Variants in DPF3 observed in about 807,000 individuals in gnomAD.
DPF3 encodes zinc finger protein DPF3.
A neutral mutation model predicts 56.8 loss-of-function variants in DPF3; 18 were observed. The ratio of observed to expected loss-of-function variants is 0.32; its 90% CI spans 0.22 to 0.47. The LOEUF (loss-of-function observed/expected upper bound fraction) is 0.47. Among genes scored for constraint, DPF3 ranks in the 20% least tolerant of loss-of-function variants. The pLI is 1.00. For missense variants in DPF3, 403 were observed against 488.8 expected (o/e 0.82, Z 1.65); for synonymous variants, 188 against 180.2 (o/e 1.04, Z -0.35).
chr14:72,688,598 A>G (rs545841058), intron 7 of DPF3, among the ~76,000 whole-genome samples: 47 of 152,284 alleles, frequency 3.1e-4, no homozygotes, highest in African/African-American at 1.1e-3. Flanking sequence ...CTCCCTACCA[A>G]GGCTGCATTT....
At chr14:72,840,881 T>C (rs1373604458) in intron 1 of DPF3, among the ~76,000 whole-genome samples, 1 of 152,222 alleles carries the variant, frequency 6.6e-6, no homozygotes, top group African/African-American at 2.4e-5. Flanking sequence ...GATGAACTCC[T>C]GATTCAGCCA....
At chr14:72,689,942 T>A (rs1041730150) in intron 7 of DPF3, among the ~76,000 whole-genome samples, 2 of 152,190 alleles carry the variant, frequency 1.3e-5, no homozygotes, top group Non-Finnish European at 1.5e-5. Flanking sequence ...TTTGTGAGGA[T>A]TCTGGAACCT....
chr14:72,768,921 G>A (rs1402859966), intron 2 of DPF3, among the ~76,000 whole-genome samples: 1 of 131,960 alleles, frequency 7.6e-6, no homozygotes, highest in Non-Finnish European at 1.6e-5. Flanking sequence ...TTCTGATACT[G>A]TGTGTGAGTG....
At chr14:72,647,183 C>A (rs1885752245) in intron 8 of DPF3, among the ~76,000 whole-genome samples, 1 of 152,154 alleles carries the variant, frequency 6.6e-6, no homozygotes, top group Non-Finnish European at 1.5e-5. Context: ...CTTTGTTAAG[C>A]TGGAAAACTT....
intron 1 of DPF3, among the ~76,000 whole-genome samples, chr14:72,774,384 T>C (rs1338631496): frequency 6.6e-6 from 1 of 152,038 alleles, no homozygotes; most frequent in Non-Finnish European, 1.5e-5. Context: ...CACCATACTG[T>C]TTTTCATGGC....
rs77501493 is a variant in DPF3 at position 72,741,155 on chromosome 14, C to T, written c.302-9221G>A. Among the ~76,000 whole-genome samples, 55 of 152,324 alleles carry T rather than the reference C, an allele frequency of 3.6e-4. No homozygotes were observed. The East Asian group carries it at 6.4e-3, about 18-fold the overall frequency. On this transcript the variant is annotated intron_variant, in intron 3 of 10. Coordinates refer to ENST00000556509, the MANE Select transcript of DPF3 (RefSeq NM_001280542.3). ...GGCAGTGAGCTGTCTGCAGCAAATT[C>T]ATTTTCGGTGTTGGGGACGGGAACT... is the stretch of plus-strand genomic sequence containing the variant.
At chr14:72,756,906 A>AATG (rs1890844498) in intron 2 of DPF3, among the ~76,000 whole-genome samples, 1 of 74,660 alleles carries the variant, frequency 1.3e-5, no homozygotes, top group African/African-American at 6.7e-5. Flanking sequence ...AGAAAAGAAA[A>AATG]AAAGAAAGAA....
intron 1 of DPF3, among the ~76,000 whole-genome samples, chr14:72,828,339 C>T (rs1883903736): frequency 6.6e-6 from 1 of 151,962 alleles, no homozygotes; most frequent in Admixed American, 6.6e-5. Flanking sequence ...TCTCCAGGGT[C>T]TGGGGCATCT....
In DPF3 at chr14:72,614,766, C is replaced by T. The variant is rs1260873809; in HGVS notation, c.*4531G>A. Among the ~76,000 whole-genome samples the T allele has an allele frequency of 2.7e-5, 1 of 36,774 alleles. No individual in the cohort carries two copies. Among genetic ancestry groups the T allele is most frequent in the Non-Finnish European group, 4.9e-5 (1 of 20,286 alleles). 24.1% of individuals were successfully genotyped at this position (36,774 alleles called of 152,430 possible). On this transcript the variant is annotated 3_prime_UTR_variant, in exon 11 of 11. Coordinates refer to ENST00000556509, the MANE Select transcript of DPF3 (RefSeq NM_001280542.3). ...ATAATAATAATCTGTTGCCCAGGAT[C>T]ACAAGCCTCAGAAAAAAAAAAAAGA... is the stretch of plus-strand genomic sequence containing the variant.
intron 4 of DPF3, 141 bp downstream of exon 4, chr14:72,731,666 C>T: frequency 1.7e-6 from 2 of 1,203,402 alleles, no homozygotes; most frequent in Non-Finnish European, 1.2e-6. Context: ...TGGGAGCTTC[C>T]TGGCCACCAT....
intron 6 of DPF3, among the ~76,000 whole-genome samples, chr14:72,702,007 C>A (rs1313789753): frequency 6.6e-6 from 1 of 152,264 alleles, no homozygotes; most frequent in African/African-American, 2.4e-5. Flanking sequence ...CAGAATCTCA[C>A]AGCTCAGGAG....
intron 2 of DPF3, among the ~76,000 whole-genome samples, chr14:72,771,063 C>T (rs10220561): frequency 0.55 from 82,882 of 151,320 alleles, 23,194 homozygotes; most frequent in Non-Finnish European, 0.61. Flanking sequence ...GTAATCCCAG[C>T]GACTCAGGAG....
chr14:72,719,069 C>CTTTTTTTTTTTT lies in DPF3; in HGVS notation c.525+4552_525+4563dup, dbSNP rs71448401. On this transcript the variant is annotated intron_variant, in intron 5 of 10. Coordinates refer to ENST00000556509, the MANE Select transcript of DPF3 (RefSeq NM_001280542.3). The stretch of plus-strand genomic sequence containing the variant: ...ACAGGTGTGAGCCACCGTGCCAGGC[C>CTTTTTTTTTTTT]TTTTTTTTTTTTTTTTTTGAGATGG... Among the ~76,000 whole-genome samples the CTTTTTTTTTTTT allele has an allele frequency of 5.0e-5, 5 of 100,716 alleles. 1 individual carries two copies. Among genetic ancestry groups the CTTTTTTTTTTTT allele is most frequent in the Admixed American group, 1.2e-4 (1 of 8,362 alleles). 66.1% of individuals were successfully genotyped at this position (100,716 alleles called of 152,430 possible). A position where few individuals can be genotyped will look rare whatever the true frequency, so the allele number is the denominator to read the frequency against.
At chr14:72,801,309 C>T (rs1892882632) in intron 1 of DPF3, among the ~76,000 whole-genome samples, 1 of 152,136 alleles carries the variant, frequency 6.6e-6, no homozygotes, top group African/African-American at 2.4e-5. Flanking sequence ...GATGTGAGGA[C>T]CCCAGGATGG....
chr14:72,861,801 A>AAGAAAG lies in DPF3; in HGVS notation c.32+32255_32+32256insCTTTCT, dbSNP rs1567261330. Among the ~76,000 whole-genome samples the AAGAAAG allele has an allele frequency of 3.8e-3, 567 of 150,322 alleles. 2 individuals are homozygous for AAGAAAG. Among genetic ancestry groups the AAGAAAG allele is most frequent in the African/African-American group, 0.013 (526 of 39,782 alleles). On this transcript the variant is annotated intron_variant, in intron 1 of 10. Transcript: ENST00000556509. The stretch of plus-strand genomic sequence containing the variant: ...AAAGAAAGAAAGAAAGAAAGAAAGA[A>AAGAAAG]AGAAGGAAAGAATTTGGAAAAACAG...
intron 5 of DPF3, among the ~76,000 whole-genome samples, chr14:72,723,330 C>G (rs2139841769): frequency 6.6e-6 from 1 of 152,248 alleles, no homozygotes; most frequent in South Asian, 2.1e-4. Flanking sequence ...AGTAACCAAG[C>G]AGTGGTGACA....
At chr14:72,631,901 T>C (rs939308773) in intron 8 of DPF3, among the ~76,000 whole-genome samples, 1 of 152,218 alleles carries the variant, frequency 6.6e-6, no homozygotes, top group African/African-American at 2.4e-5. Flanking sequence ...GAGAAAGATC[T>C]TTAAGCTGAT....
chr14:72,801,187 G>A (rs1210858308), intron 1 of DPF3, among the ~76,000 whole-genome samples: 1 of 152,240 alleles, frequency 6.6e-6, no homozygotes, highest in African/African-American at 2.4e-5. Context: ...GGCAGCCACA[G>A]AAACAGAAGA....
intron 1 of DPF3, among the ~76,000 whole-genome samples, chr14:72,830,277 G>A (rs758563845): frequency 4.6e-5 from 7 of 152,196 alleles, no homozygotes; most frequent in African/African-American, 7.2e-5. Flanking sequence ...GGAGGGGAAG[G>A]AGAAGGGGGA....
Sources: allele counts gnomAD v4.1 joint callset (sites outside exome capture counted in the v4.1 genomes callset), GRCh38; gene constraint gnomAD v4.1.1; transcripts MANE v1.5; gene names NCBI Gene and HGNC (gene_info 2026-07-23, HGNC 2026-07-21).